PLEKHA7: variants seen among roughly 807,000 people sequenced by gnomAD.
PLEKHA7 encodes the protein pleckstrin homology domain-containing family A member 7.
A neutral mutation model predicts 170.0 loss-of-function variants in PLEKHA7; 104 were observed. That is an observed-to-expected ratio of 0.61 (90% CI 0.52 to 0.72). PLEKHA7 has a LOEUF of 0.72. PLEKHA7 is among the 30% of genes least tolerant of loss of function. The probability of loss-of-function intolerance (pLI) is 0.00; values close to 1 mark genes in which losing one functional copy is unlikely to be tolerated. For synonymous variants in PLEKHA7, 648 were observed against 660.8 expected (o/e 0.98, Z 0.30); for missense variants, 1,615 against 1,671.7 (o/e 0.97, Z 0.59).
chr11:16,838,574 C>A (rs1398566466), intron 9 of PLEKHA7, among the ~76,000 whole-genome samples: 5 of 147,686 alleles, frequency 3.4e-5, no homozygotes, highest in Admixed American at 3.4e-4. Flanking sequence ...TGGAAATATA[C>A]ATTAAATTAA....
At chr11:17,003,800 A>T (rs142754294) in intron 3 of PLEKHA7, among the ~76,000 whole-genome samples, 89 of 152,300 alleles carry the variant, frequency 5.8e-4, no homozygotes, top group Admixed American at 4.8e-3. Flanking sequence ...TTCAACAAAA[A>T]CCAACCCTGC....
rs552939870 is a variant in PLEKHA7, at chr11:16,945,601, A to C, written c.221+68388T>G. Among the ~76,000 whole-genome samples, 12 of 152,368 alleles carry C rather than the reference A, an allele frequency of 7.9e-5. 1 individual carries two copies. The highest frequency in any genetic ancestry group is 2.9e-4 in the African/African-American group (12 of 41,602). On this transcript the variant is annotated intron_variant, in intron 3 of 26. Coordinates refer to ENST00000531066, the MANE Select transcript of PLEKHA7 (RefSeq NM_001329630.2). ...AAGGAGGGCTAGATCACTGGATTTT[A>C]TCAGCCAGGCAAATAGAAGCTCCAT...
Position 16,841,809 on chromosome 11 carries a change from T to A in PLEKHA7, c.697-87A>T, listed in dbSNP as rs1048820061. The A allele has an allele frequency of 2.2e-6, 3 of 1,355,168 alleles. No individual in the cohort carries two copies. The African/African-American group carries it at 4.4e-5, about 20-fold the overall frequency. The allele number at this position is 1,355,168 out of a possible 1,614,324, so 83.9% of individuals were successfully genotyped here. The stretch of plus-strand genomic sequence containing the variant: ...CAAAAGCAAGGAGGCACTATGGCCC[T>A]TCTAGTCTAAAAGCCCAAGCACCAC... On this transcript the variant is annotated intron_variant, in intron 8 of 26. Transcript: ENST00000531066.
At position 16,794,490 on chromosome 11, in the gene PLEKHA7, C is replaced by T. The variant is rs764139335; in HGVS notation, c.2743G>A (p.Val915Ile). The T allele has an allele frequency of 5.0e-6, 8 of 1,613,250 alleles. No individual in the cohort carries two copies. Among genetic ancestry groups the T allele is most frequent in the Non-Finnish European group, 5.9e-6 (7 of 1,179,602 alleles). ...AGCTCCTAGTTATCACTACTTACAA[C>T]TTTGGGCTTCGCCTTAGTTGGTGAC... ...LQSPTKAKPK[V>I]EDEAPPRPPL... is the part of the protein sequence containing the mutation. Residue 915 changes from valine to isoleucine, a missense_variant and splice_region_variant, in exon 19 of 27, where the codon GTT becomes ATT. Coordinates refer to ENST00000531066, the MANE Select transcript of PLEKHA7 (RefSeq NM_001329630.2).
intron 3 of PLEKHA7, among the ~76,000 whole-genome samples, chr11:16,875,575 T>A (rs1203390752): frequency 6.6e-6 from 1 of 152,058 alleles, no homozygotes; most frequent in Non-Finnish European, 1.5e-5. Flanking sequence ...GTCCTCCAAC[T>A]AGCTGGGACT....
intron 3 of PLEKHA7, among the ~76,000 whole-genome samples, chr11:16,986,122 G>C (rs564805157): frequency 7.9e-4 from 120 of 152,294 alleles, no homozygotes; most frequent in African/African-American, 2.8e-3. Context: ...CAGGCCAGAG[G>C]GGAATGGTGT....
At chr11:16,780,255 C>T (rs1164862341) in intron 26 of PLEKHA7, among the ~76,000 whole-genome samples, 1 of 152,212 alleles carries the variant, frequency 6.6e-6, no homozygotes, top group Non-Finnish European at 1.5e-5. Flanking sequence ...ATGCCAGCCT[C>T]CTGTTTCAGG....
At chr11:16,853,023 G>A (rs1027584342) in intron 6 of PLEKHA7, among the ~76,000 whole-genome samples, 1 of 152,124 alleles carries the variant, frequency 6.6e-6, no homozygotes, top group African/African-American at 2.4e-5. Context: ...TTTGGGGTGA[G>A]TTTTCTCTCA....
Position 16,789,158 on chromosome 11 carries a change from C to T in PLEKHA7, c.3295G>A (p.Glu1099Lys), listed in dbSNP as rs748870685. ...CGAGATGAGGGCAGGCCCGTCCTCT[C>T]CCCTTGGCCCAGTGTCCTCTTGCGC... ...RERKRTLGQG[E>K]RTGLPSSRYL... Residue 1099 changes from glutamate to lysine, a missense_variant, in exon 23 of 27, where the codon GAG becomes AAG. Physicochemically the swap from Glu to Lys is moderately conservative, Grantham distance 56. Coordinates refer to ENST00000531066, the MANE Select transcript of PLEKHA7 (RefSeq NM_001329630.2). This position sits in a 1 kb window ranked among gnomAD's most constrained non-coding sequence, Gnocchi z 4.6. The T allele has an allele frequency of 2.0e-5, 33 of 1,611,760 alleles. 1 individual carries two copies. In the South Asian group the frequency reaches 3.5e-4, roughly 17 times the overall value.
Position 16,871,194 on chromosome 11 carries a change from G to A in PLEKHA7, c.222-12C>T. 6.3e-7 allele frequency: 1 copy of A among 1,587,912 alleles called. No homozygotes were observed. The highest frequency in any genetic ancestry group is 1.1e-5 in the South Asian group (1 of 90,530). ...TCTGCTGGTTATGGCTAAAGAGAAA[G>A]AGAGAAGATGGATGAGAATTCGTGT... On this transcript the variant is annotated splice_polypyrimidine_tract_variant and intron_variant, in intron 3 of 26. Coordinates refer to ENST00000531066, the MANE Select transcript of PLEKHA7 (RefSeq NM_001329630.2).
At chr11:16,896,389 C>T (rs769451083) in intron 3 of PLEKHA7, among the ~76,000 whole-genome samples, 2 of 152,154 alleles carry the variant, frequency 1.3e-5, no homozygotes, top group African/African-American at 4.8e-5. Flanking sequence ...ACCACCATCC[C>T]GCACAATGAA....
intron 3 of PLEKHA7, among the ~76,000 whole-genome samples, chr11:16,905,134 C>T (rs1473789528): frequency 6.6e-6 from 1 of 152,106 alleles, no homozygotes; most frequent in East Asian, 1.9e-4. Flanking sequence ...CACCCATGGT[C>T]CCAGCTACTT....
At chr11:16,844,060 C>T (rs1852190022) in intron 8 of PLEKHA7, among the ~76,000 whole-genome samples, 2 of 152,168 alleles carry the variant, frequency 1.3e-5, no homozygotes, top group African/African-American at 2.4e-5. Flanking sequence ...CTGACACACT[C>T]TCCCAGCCTT....
At chr11:16,873,464 C>A (rs1367871731) in intron 3 of PLEKHA7, among the ~76,000 whole-genome samples, 1 of 152,120 alleles carries the variant, frequency 6.6e-6, no homozygotes, top group Non-Finnish European at 1.5e-5. Context: ...CCATAGCCAG[C>A]CTCTGAATTC....
At chr11:16,879,749 C>T (rs898454911) in intron 3 of PLEKHA7, among the ~76,000 whole-genome samples, 10 of 152,182 alleles carry the variant, frequency 6.6e-5, no homozygotes, top group African/African-American at 2.2e-4. Context: ...GAGGGAAGTC[C>T]GTCTTTTCCA....
At chr11:16,897,068 A>G (rs548218595) in intron 3 of PLEKHA7, among the ~76,000 whole-genome samples, 2 of 152,318 alleles carry the variant, frequency 1.3e-5, no homozygotes, top group East Asian at 3.9e-4. Context: ...CAACATATAT[A>G]TAACGCCCTG....
intron 3 of PLEKHA7, among the ~76,000 whole-genome samples, chr11:16,954,570 C>A (rs1274831431): frequency 6.6e-6 from 1 of 151,520 alleles, no homozygotes; most frequent in Non-Finnish European, 1.5e-5. Context: ...AGATAGGATG[C>A]TGGATGCTGT....
At chr11:16,779,105 C>T (rs1848832325) in intron 26 of PLEKHA7, 85 bp from the exon 27 acceptor site, 2 of 699,162 alleles carry the variant, frequency 2.9e-6, no homozygotes, top group South Asian at 1.5e-5. Flanking sequence ...GGCAGATAGG[C>T]GGACAGGCAG....
intron 3 of PLEKHA7, among the ~76,000 whole-genome samples, chr11:16,975,570 C>T (rs2136772889): frequency 6.6e-6 from 1 of 152,264 alleles, no homozygotes; most frequent in East Asian, 1.9e-4. Context: ...ACTGATTTTG[C>T]TATCTGTGGG....
Sources: gnomAD v4.1 joint callset for allele counts (sites outside exome capture counted in the v4.1 genomes callset) on GRCh38, gnomAD v4.1.1 for gene constraint, Gnocchi (gnomAD v3.1) non-coding constraint, MANE v1.5 for transcripts, NCBI Gene and HGNC (gene_info 2026-07-23, HGNC 2026-07-21) for gene names.